RO60: variants seen among roughly 807,000 people sequenced by gnomAD.
The protein encoded by RO60 is Ro60, Y RNA binding protein, also known as RNA-binding protein RO60.
A neutral mutation model predicts 55.3 loss-of-function variants in RO60; 20 were observed. That is an observed-to-expected ratio of 0.36 (90% CI 0.25 to 0.53). The LOEUF is 0.53. Ranked by LOEUF, RO60 falls within the 20% of genes least tolerant of loss-of-function variation. RO60 has a pLI of 0.92. For synonymous variants in RO60, 213 were observed against 213.6 expected, an observed-to-expected ratio of 1.00 and a Z score of 0.02; for missense variants, 558 against 646.6, an observed-to-expected ratio of 0.86 and a Z score of 1.49.
chr1:193,075,739 T>C, intron 2 of RO60, 81 bp from the exon 3 acceptor site: 1 of 1,020,150 alleles, frequency 9.8e-7, no homozygotes, highest in Non-Finnish European at 1.5e-6. Context: ...ATGTTGATCA[T>C]ATAATGCATT....
intron 5 of RO60, among the ~76,000 whole-genome samples, chr1:193,078,249 C>T (rs560433889): frequency 3.9e-5 from 6 of 152,260 alleles, no homozygotes; most frequent in East Asian, 1.9e-4. Flanking sequence ...AATGAACTTC[C>T]TCAACATGAT....
In RO60 at chr1:193,059,846, T is replaced by TCCTC; in HGVS notation, c.-22+72_-22+75dup. On this transcript the variant is annotated intron_variant, in intron 1 of 8. Coordinates refer to ENST00000400968, the MANE Select transcript of RO60 (RefSeq NM_001173524.2). This position sits in a 1 kb window ranked among gnomAD's most constrained non-coding sequence, Gnocchi z 4.9. ...CCAGGGACGCGCAAATTCTGACCAGTCCTCCATGTCTCTCACCCGCATCCC... is the reference window on the plus strand; with the variant it reads ...CCAGGGACGCGCAAATTCTGACCAGTCCTCCCTCCATGTCTCTCACCCGCATCCC... 1 of 1,362,228 alleles carries TCCTC rather than the reference T, an allele frequency of 7.3e-7. No individual in the cohort carries two copies. The highest frequency in any genetic ancestry group is 1.1e-5 in the South Asian group (1 of 87,140). The allele number at this position is 1,362,228 out of a possible 1,614,324, so 84.4% of individuals were successfully genotyped here.
chr1:193,066,299 T>A (rs1382653133), intron 1 of RO60, among the ~76,000 whole-genome samples: 3 of 152,166 alleles, frequency 2.0e-5, no homozygotes, highest in Non-Finnish European at 4.4e-5. Context: ...GTAAAAAGAT[T>A]TTTTCTCTAA....
At chr1:193,082,404 T>C in intron 7 of RO60, 105 bp downstream of exon 7, 1 of 1,336,454 alleles carries the variant, frequency 7.5e-7, no homozygotes, top group Non-Finnish European at 1.0e-6. Context: ...AACAAAATTT[T>C]TTTTGTCTTA....
Position 193,059,782 on chromosome 1 carries a change from G to C in RO60, c.-22+6G>C. On this transcript the variant is annotated splice_donor_region_variant and intron_variant, in intron 1 of 8. Transcript: ENST00000400968. This position sits in a 1 kb window ranked among gnomAD's most constrained non-coding sequence, Gnocchi z 4.9. ...GGGTCGGCTGCCAGGTACAGGTGAG[G>C]ACATTGCGGGAGGCCGGCTGGGAGC... is the stretch of plus-strand genomic sequence containing the variant. 1 of 1,356,682 alleles carries C rather than the reference G, an allele frequency of 7.4e-7. No homozygotes were observed. The highest frequency in any genetic ancestry group is 9.8e-7 in the Non-Finnish European group (1 of 1,017,398). The allele number at this position is 1,356,682 out of a possible 1,614,324, so 84.0% of individuals were successfully genotyped here. A position where few individuals can be genotyped will look rare whatever the true frequency, so the allele number is the denominator to read the frequency against.
rs1034370978 is a variant in RO60 at position 193,085,157 on chromosome 1, T to C, written c.*426T>C. 3.0e-6 allele frequency: 4 copies of C among 1,325,122 alleles called. No homozygotes were observed. The African/African-American group carries it at 5.9e-5, about 19-fold the overall frequency. The allele number at this position is 1,325,122 out of a possible 1,614,324, so 82.1% of individuals were successfully genotyped here. A position where few individuals can be genotyped will look rare whatever the true frequency, so the allele number is the denominator to read the frequency against. On this transcript the variant is annotated 3_prime_UTR_variant, in exon 9 of 9. Transcript: ENST00000400968. The stretch of plus-strand genomic sequence containing the variant: ...AATGTCCAAATACTCTGAAATGCAC[T>C]AGACCATATAACTGTGATGAAATAT...
chr1:193,062,820 A>G (rs1046711652), intron 1 of RO60, among the ~76,000 whole-genome samples: 2 of 152,220 alleles, frequency 1.3e-5, no homozygotes, highest in African/African-American at 2.4e-5. Flanking sequence ...TTGACTTGGC[A>G]TAATGTTTTC....
intron 1 of RO60, among the ~76,000 whole-genome samples, chr1:193,064,325 C>T (rs578131566): frequency 3.9e-5 from 6 of 152,300 alleles, no homozygotes; most frequent in African/African-American, 1.4e-4. Context: ...GATTAGCCCC[C>T]ATCCTGAAGC....
intron 3 of RO60, among the ~76,000 whole-genome samples, 179 bp from the exon 4 acceptor site, chr1:193,076,322 T>TA (rs902921261): frequency 1.3e-5 from 2 of 152,116 alleles, no homozygotes; most frequent in African/African-American, 4.8e-5. Flanking sequence ...CTTTTTCTAG[T>TA]AAAAAACAAG....
intron 1 of RO60, among the ~76,000 whole-genome samples, chr1:193,061,595 ATG>A (rs1232063098): frequency 2.6e-5 from 4 of 152,252 alleles, no homozygotes; most frequent in Non-Finnish European, 5.9e-5. Flanking sequence ...CTATTATATA[ATG>A]TGTGTTACTA....
chr1:193,074,852 C>A (rs1478588815), intron 2 of RO60, among the ~76,000 whole-genome samples: 1 of 152,106 alleles, frequency 6.6e-6, no homozygotes, highest in Non-Finnish European at 1.5e-5. Context: ...TCTTCTAGGG[C>A]TTTTATGGTT....
At position 193,088,722 on chromosome 1, in the gene RO60, A is replaced by C. The variant is rs139969905; in HGVS notation, c.*3991A>C. 1.8e-3 allele frequency: 276 copies of C among 152,332 alleles called. No individual in the cohort carries two copies. The highest frequency in any genetic ancestry group is 6.5e-3 in the African/African-American group (271 of 41,584). 9.4% of individuals were successfully genotyped at this position (152,332 alleles called of 1,614,324 possible). Reference sequence around the variant, plus strand: ...CTCTGGAGAAATGTCATATGGCATCAGTGTAAACATGCACAAGAAAGAATT... The same window carrying C: ...CTCTGGAGAAATGTCATATGGCATCCGTGTAAACATGCACAAGAAAGAATT... On this transcript the variant is annotated 3_prime_UTR_variant, in exon 9 of 9. Transcript: ENST00000400968.
At chr1:193,084,452 C>T in intron 8 of RO60, 127 bp from the exon 9 acceptor site, 3 of 1,099,606 alleles carry the variant, frequency 2.7e-6, no homozygotes, top group Non-Finnish European at 3.8e-6. Context: ...AAGATTGACC[C>T]CCGCAAAAAA....
intron 1 of RO60, among the ~76,000 whole-genome samples, chr1:193,060,650 G>A (rs1038248522): frequency 2.6e-5 from 4 of 152,190 alleles, no homozygotes; most frequent in Non-Finnish European, 2.9e-5. Context: ...ATTGAGGGAA[G>A]CAACAGAGCA....
At chr1:193,063,043 G>A (rs933727098) in intron 1 of RO60, among the ~76,000 whole-genome samples, 1 of 152,156 alleles carries the variant, frequency 6.6e-6, no homozygotes, top group African/African-American at 2.4e-5. Context: ...TTTCTTAGGT[G>A]TGTGGTAGAA....
chr1:193,077,782 C>A (rs1277185008), intron 5 of RO60, among the ~76,000 whole-genome samples: 1 of 152,148 alleles, frequency 6.6e-6, no homozygotes, highest in East Asian at 1.9e-4. Context: ...GAAGGTCCCA[C>A]CTTCAACATT....
At chr1:193,079,822 A>T (rs1674176678) in intron 5 of RO60, among the ~76,000 whole-genome samples, 1 of 152,124 alleles carries the variant, frequency 6.6e-6, no homozygotes, top group African/African-American at 2.4e-5. Flanking sequence ...TGATATACAA[A>T]TGAGTAATAA....
In RO60 at chr1:193,088,802, TTTTA is replaced by T. The variant is rs1251861165; in HGVS notation, c.*4076_*4079del. 6.6e-6 allele frequency: 1 copy of T among 152,222 alleles called. No individual in the cohort carries two copies. The highest frequency in any genetic ancestry group is 6.5e-5 in the Admixed American group (1 of 15,282). The allele number at this position is 152,222 out of a possible 1,614,324, so 9.4% of individuals were successfully genotyped here. ...AAATTAGTTGTATTTACTGTTTGGA[TTTTA>T]TTTAGTGTTTCCTTGATGTCTGTTT... On this transcript the variant is annotated 3_prime_UTR_variant, in exon 9 of 9. Transcript: ENST00000400968.
chr1:193,071,092 G>T (rs140840091), intron 2 of RO60, among the ~76,000 whole-genome samples: 1 of 152,302 alleles, frequency 6.6e-6, no homozygotes, highest in African/African-American at 2.4e-5. Flanking sequence ...TCAGGCATCA[G>T]ATTCTCATAA....
Sources: allele counts gnomAD v4.1 joint callset (sites outside exome capture counted in the v4.1 genomes callset), GRCh38; gene constraint gnomAD v4.1.1; non-coding constraint Gnocchi (gnomAD v3.1); transcripts MANE v1.5; gene names NCBI Gene and HGNC (gene_info 2026-07-23, HGNC 2026-07-21).